Variants in CADM2 observed in about 807,000 individuals in gnomAD.
CADM2 encodes the protein immunoglobulin superfamily member 4D.
A neutral mutation model predicts 49.8 loss-of-function variants in CADM2; 12 were observed. That is an observed-to-expected ratio of 0.24 (90% CI 0.15 to 0.39). CADM2 has a LOEUF of 0.39. CADM2 is among the 10% of genes least tolerant of loss of function. The pLI, the probability that CADM2 is intolerant of heterozygous loss-of-function variation, is 1.00. For missense variants in CADM2, 378 were observed against 492.3 expected, an observed-to-expected ratio of 0.77 and a Z score of 2.20; for synonymous variants, 214 against 175.4, an observed-to-expected ratio of 1.22 and a Z score of -1.74.
At chr3:85,868,868 T>C (rs1183271839) in intron 3 of CADM2, among the ~76,000 whole-genome samples, 1 of 152,192 alleles carries the variant, frequency 6.6e-6, no homozygotes, top group Non-Finnish European at 1.5e-5. Flanking sequence ...CTGCTTTGAG[T>C]TTGGACTTGA....
At chr3:85,479,913 G>A (rs918665193) in intron 1 of CADM2, among the ~76,000 whole-genome samples, 4 of 151,870 alleles carry the variant, frequency 2.6e-5, no homozygotes, top group African/African-American at 9.7e-5. Flanking sequence ...CTGATTATTT[G>A]ATTTGGAATC....
At chr3:85,064,473 G>C (rs924829506) in intron 1 of CADM2, among the ~76,000 whole-genome samples, 2 of 152,010 alleles carry the variant, frequency 1.3e-5, no homozygotes, top group Admixed American at 1.3e-4. Flanking sequence ...GTGGAATCTT[G>C]TGTACATAAA....
At chr3:85,668,843 A>G (rs1355443288) in intron 1 of CADM2, among the ~76,000 whole-genome samples, 4 of 152,056 alleles carry the variant, frequency 2.6e-5, no homozygotes, top group Non-Finnish European at 5.9e-5. Context: ...TAGTTTATAA[A>G]CTTTTGATTA....
intron 1 of CADM2, among the ~76,000 whole-genome samples, chr3:85,135,977 A>G (rs1388869927): frequency 1.3e-5 from 2 of 152,060 alleles, no homozygotes; most frequent in Non-Finnish European, 2.9e-5. Flanking sequence ...ATAGCAATCT[A>G]CAAATCTCGC....
At chr3:85,592,788 G>A (rs1347771734) in intron 1 of CADM2, among the ~76,000 whole-genome samples, 1 of 151,108 alleles carries the variant, frequency 6.6e-6, no homozygotes, top group Non-Finnish European at 1.5e-5. Flanking sequence ...ATGTGCCATG[G>A]TGGTTTGCTG....
chr3:85,408,051 A>T (rs541465410), intron 1 of CADM2, among the ~76,000 whole-genome samples: 1 of 149,982 alleles, frequency 6.7e-6, no homozygotes, highest in South Asian at 2.1e-4. Flanking sequence ...AAAAAAACGG[A>T]CTTAATCAGC....
At chr3:85,554,499 C>T (rs2061898993) in intron 1 of CADM2, among the ~76,000 whole-genome samples, 1 of 152,042 alleles carries the variant, frequency 6.6e-6, no homozygotes, top group Admixed American at 6.6e-5. Context: ...CAATTATAGA[C>T]GCTTAATATG....
chr3:85,998,787 T>C (rs751310624), intron 8 of CADM2, among the ~76,000 whole-genome samples: 44 of 152,098 alleles, frequency 2.9e-4, no homozygotes, highest in Non-Finnish European at 4.9e-4. Flanking sequence ...TGGAGAAATC[T>C]AGATAATTAA....
intron 3 of CADM2, among the ~76,000 whole-genome samples, chr3:85,810,927 T>G (rs1475640252): frequency 6.6e-6 from 1 of 152,128 alleles, no homozygotes; most frequent in Non-Finnish European, 1.5e-5. Flanking sequence ...AAATCTTCGG[T>G]TGTGGATTGT....
intron 8 of CADM2, among the ~76,000 whole-genome samples, chr3:86,043,679 A>G (rs977492570): frequency 6.6e-6 from 1 of 152,224 alleles, no homozygotes; most frequent in Admixed American, 6.5e-5. Flanking sequence ...CAAGCTACCA[A>G]TGACTTTCTT....
In CADM2 at chr3:85,002,084, T is replaced by A. The variant is rs184648624; in HGVS notation, c.61+42416T>A. On this transcript the variant is annotated intron_variant, in intron 1 of 9. Coordinates refer to ENST00000383699, the MANE Select transcript of CADM2 (RefSeq NM_001167675.2). ...ATGTTATATTATGTTAGGACCACAT[T>A]TTTTTTCTTAACATGATTTGCTCAA... 2.0e-3 allele frequency among the ~76,000 whole-genome samples: 310 copies of A among 152,232 alleles called. 1 individual carries two copies. Among genetic ancestry groups the A allele is most frequent in the Non-Finnish European group, 3.6e-3 (242 of 67,998 alleles).
intron 8 of CADM2, among the ~76,000 whole-genome samples, chr3:86,003,782 A>G (rs532280055): frequency 2.0e-5 from 3 of 152,294 alleles, no homozygotes; most frequent in South Asian, 2.1e-4. Context: ...GACTCCTGGG[A>G]TCAGGTAAGT....
At chr3:85,496,192 T>C (rs191263681) in intron 1 of CADM2, among the ~76,000 whole-genome samples, 1 of 152,272 alleles carries the variant, frequency 6.6e-6, no homozygotes, top group East Asian at 1.9e-4. Flanking sequence ...TTCAGCTCTT[T>C]TCCTCTCTCC....
Position 86,072,695 on chromosome 3 carries a change from C to T in CADM2, c.*5912C>T, listed in dbSNP as rs1703352387. On this transcript the variant is annotated 3_prime_UTR_variant, in exon 10 of 10. Coordinates refer to ENST00000383699, the MANE Select transcript of CADM2 (RefSeq NM_001167675.2). ...ACATGATACTAGTAGACACTTTTCT[C>T]TTTATATTTACTGATAGTGAAAATC... The T allele has an allele frequency of 6.6e-6, 1 of 151,944 alleles. No individual in the cohort carries two copies. Among genetic ancestry groups the T allele is most frequent in the African/African-American group, 2.4e-5 (1 of 41,398 alleles). 9.4% of individuals were successfully genotyped at this position (151,944 alleles called of 1,614,324 possible).
intron 1 of CADM2, among the ~76,000 whole-genome samples, chr3:85,061,864 C>T (rs1008954454): frequency 9.2e-5 from 14 of 152,024 alleles, no homozygotes; most frequent in African/African-American, 3.4e-4. Flanking sequence ...ATACTTTCTT[C>T]CCTTCTGAAT....
chr3:85,944,541 A>G (rs2108565909), intron 7 of CADM2, among the ~76,000 whole-genome samples: 1 of 152,250 alleles, frequency 6.6e-6, no homozygotes, highest in Non-Finnish European at 1.5e-5. Flanking sequence ...TCCTCAGCAA[A>G]TGTAAAATAA....
intron 1 of CADM2, among the ~76,000 whole-genome samples, chr3:85,125,490 C>T (rs2039003182): frequency 6.6e-6 from 1 of 152,058 alleles, no homozygotes; most frequent in Non-Finnish European, 1.5e-5. Flanking sequence ...TCCTGGGTGG[C>T]CAGGACTACA....
At chr3:85,260,052 A>G (rs186782893) in intron 1 of CADM2, among the ~76,000 whole-genome samples, 299 of 152,218 alleles carry the variant, frequency 2.0e-3, no homozygotes, top group Non-Finnish European at 3.6e-3. Context: ...TTTGCTTTAA[A>G]ATTTTTTAAA....
At chr3:85,188,979 C>T (rs1034190824) in intron 1 of CADM2, among the ~76,000 whole-genome samples, 1 of 151,266 alleles carries the variant, frequency 6.6e-6, no homozygotes, top group African/African-American at 2.4e-5. Context: ...TGCAGTGAGC[C>T]GAGATTGCGC....
Sources: allele counts gnomAD v4.1 joint callset (sites outside exome capture counted in the v4.1 genomes callset), GRCh38; gene constraint gnomAD v4.1.1; transcripts MANE v1.5; gene names NCBI Gene and HGNC (gene_info 2026-07-23, HGNC 2026-07-21).